DOCK11: variants seen among roughly 807,000 people sequenced by gnomAD.
DOCK11 encodes the protein dedicator of cytokinesis 11, also known as dedicator of cytokinesis protein 11.
A neutral mutation model predicts 169.1 loss-of-function variants in DOCK11; 70 were observed. The ratio of observed to expected loss-of-function variants is 0.41; its 90% confidence interval spans 0.34 to 0.51. DOCK11 has a LOEUF of 0.51. Among genes scored for constraint, DOCK11 ranks in the 20% least tolerant of loss-of-function variants. The pLI, the probability that DOCK11 is intolerant of heterozygous loss-of-function variation, is 0.10. For synonymous variants in DOCK11, 529 were observed against 541.3 expected, an observed-to-expected ratio of 0.98 and a Z score of 0.32; for missense variants, 1,166 against 1,538.8, an observed-to-expected ratio of 0.76 and a Z score of 4.05.
At position 118,545,950 on chromosome X, in the gene DOCK11, G is replaced by A. The variant is rs921679429; in HGVS notation, c.463-71G>A. The A allele has an allele frequency of 2.8e-5, 20 of 708,514 alleles. No individual in the cohort carries two copies. The South Asian group carries it at 4.6e-4, about 16-fold the overall frequency. The allele number at this position is 708,514 out of a possible 1,213,427, so 58.4% of individuals were successfully genotyped here. On this transcript the variant is annotated intron_variant, in intron 5 of 52. Coordinates refer to ENST00000276202, the MANE Select transcript of DOCK11 (RefSeq NM_144658.4). Reference sequence around the variant, plus strand: ...GGAAATGGGCAGGGCCTCATTCTGTGCCCCTAAATGTTTCGCTAATTAGAT... The same window carrying A: ...GGAAATGGGCAGGGCCTCATTCTGTACCCCTAAATGTTTCGCTAATTAGAT...
rs1232027116 is a variant in DOCK11 at position 118,572,378 on chromosome X, A to G, written c.1091A>G (p.Asn364Ser). The change falls in exon 11 of 53, where the codon AAT becomes AGT. Residue 364 changes from asparagine (N) to serine (S), a missense_variant. Transcript: ENST00000276202. ...ATAAAGCCATTTGAAGAAAAATGCA[A>G]TAAACGTTTCCTGGTGAATTGCCAT... is the stretch of plus-strand genomic sequence containing the variant. ...PDIKPFEEKC[N>S]KRFLVNCHDL... 6 of 1,206,596 alleles carry G rather than the reference A, an allele frequency of 5.0e-6. No individual in the cohort carries two copies. The highest frequency in any genetic ancestry group is 6.7e-6 in the Non-Finnish European group (6 of 892,027).
intron 1 of DOCK11, among the ~76,000 whole-genome samples, chrX:118,508,800 C>A (rs1390330532): frequency 8.9e-6 from 1 of 112,092 alleles, no homozygotes; most frequent in Non-Finnish European, 1.9e-5. Flanking sequence ...CCGTCTGTCC[C>A]TGCTAAATGG....
chrX:118,587,737 A>G (rs1225719272), intron 16 of DOCK11, among the ~76,000 whole-genome samples: 1 of 112,132 alleles, frequency 8.9e-6, no homozygotes, highest in Non-Finnish European at 1.9e-5. Context: ...GCCATGAACT[A>G]ATTGGAAGCA....
In DOCK11 at chrX:118,681,229, A is replaced by G. The variant is rs781377685; in HGVS notation, c.5843A>G (p.Gln1948Arg). ...ATGATTCAGCTCCAACTTAAATTGC[A>G]GGGCTGTGTTTCTGTGCAGGTACGT... ...VDMIQLQLKL[Q>R]GCVSVQVNAG... is the part of the protein sequence containing the mutation. The change falls in exon 50 of 53, where the codon CAG (glutamine) becomes CGG (arginine). Residue 1948 changes from glutamine to arginine, a missense_variant. Physicochemically the swap from Gln to Arg is conservative, Grantham distance 43. Transcript: ENST00000276202. 8.4e-7 allele frequency: 1 copy of G among 1,194,546 alleles called. No individual in the cohort carries two copies.
chrX:118,594,984 A>T (rs2014116865), intron 20 of DOCK11, among the ~76,000 whole-genome samples: 1 of 111,613 alleles, frequency 9.0e-6, no homozygotes, highest in Non-Finnish European at 1.9e-5. Flanking sequence ...GGGGGATCAT[A>T]GGATGTCAGG....
In DOCK11 at chrX:118,605,967, T is replaced by C. The variant is rs754912943; in HGVS notation, c.2681+611T>C. ...AAGAAGATAAATATATAAGTTCCAA[T>C]TGAACTTTTTCCAATTATGTAAATG... On this transcript the variant is annotated intron_variant, in intron 24 of 52. Transcript: ENST00000276202. 1.3e-4 allele frequency among the ~76,000 whole-genome samples: 15 copies of C among 112,036 alleles called. 1 individual carries two copies. In the South Asian group the frequency reaches 5.2e-3, roughly 39 times the overall value.
intron 22 of DOCK11, 148 bp downstream of exon 22, chrX:118,598,264 A>AT: frequency 5.2e-6 from 2 of 383,503 alleles, no homozygotes; most frequent in Non-Finnish European, 9.1e-6. Context: ...GCAGTGGCTC[A>AT]TGCCTGTAAT....
At chrX:118,554,442 C>T (rs1415176369) in intron 6 of DOCK11, among the ~76,000 whole-genome samples, 5 of 110,499 alleles carry the variant, frequency 4.5e-5, no homozygotes, top group African/African-American at 9.9e-5. Flanking sequence ...ATCAGCTACT[C>T]GGGAGGCTGA....
At chrX:118,606,054 C>T (rs2147453256) in intron 24 of DOCK11, among the ~76,000 whole-genome samples, 1 of 106,865 alleles carries the variant, frequency 9.4e-6, no homozygotes, top group South Asian at 4.1e-4. Flanking sequence ...GAGACTTCAA[C>T]TGGGGCTGGT....
At position 118,588,133 on chromosome X, in the gene DOCK11, A is replaced by G. The variant is rs2147418841; in HGVS notation, c.1796-4A>G. The G allele has an allele frequency of 1.7e-6, 2 of 1,169,723 alleles. No homozygotes were observed. Among genetic ancestry groups the G allele is most frequent in the Non-Finnish European group, 2.3e-6 (2 of 876,915 alleles). ...ATCTTTGCCTGTTTTTTTCCCTGCT[A>G]TAGATTGTATTACTTCTTCATATGT... On this transcript the variant is annotated splice_region_variant and splice_polypyrimidine_tract_variant and intron_variant, in intron 16 of 52. Transcript: ENST00000276202.
In DOCK11 at chrX:118,496,061, C is replaced by G; in HGVS notation, c.90C>G (p.Gly30=). The part of the protein sequence containing the change: ...LRQSVSEAVR[G]SVVLEKAKVV... ...AGAGCGTGTCTGAGGCCGTGCGGGG[C>G]TCCGTGGTGCTGGTGAGTGGCCGGG... The change falls in exon 1 of 53, where the codon GGC becomes GGG. Residue 30 remains glycine, a synonymous_variant. Transcript: ENST00000276202. 9.5e-7 allele frequency: 1 copy of G among 1,053,966 alleles called. No homozygotes were observed. The highest frequency in any genetic ancestry group is 1.2e-6 in the Non-Finnish European group (1 of 821,279). 86.9% of individuals were successfully genotyped at this position (1,053,966 alleles called of 1,213,427 possible). A position where few individuals can be genotyped will look rare whatever the true frequency, so the allele number is the denominator to read the frequency against.
At chrX:118,524,301 C>T (rs2011324279) in intron 1 of DOCK11, among the ~76,000 whole-genome samples, 1 of 111,795 alleles carries the variant, frequency 8.9e-6, no homozygotes, top group South Asian at 3.7e-4. Flanking sequence ...CGTACCTTCT[C>T]CATCCATATT....
intron 1 of DOCK11, among the ~76,000 whole-genome samples, chrX:118,513,942 C>G (rs2057666322): frequency 1.8e-5 from 2 of 110,985 alleles, no homozygotes; most frequent in Non-Finnish European, 3.8e-5. Flanking sequence ...TTTCTTGCCC[C>G]CTCTTGGAGA....
At chrX:118,508,560 A>G (rs1208785802) in intron 1 of DOCK11, among the ~76,000 whole-genome samples, 1 of 111,531 alleles carries the variant, frequency 9.0e-6, no homozygotes, top group East Asian at 2.8e-4. Context: ...TCCCACCAAG[A>G]AATAACTTAA....
At position 118,639,483 on chromosome X, in the gene DOCK11, G is replaced by A. The variant is rs766248371; in HGVS notation, c.4050G>A (p.Ser1350=). 2 of 1,210,824 alleles carry A rather than the reference G, an allele frequency of 1.7e-6. No homozygotes were observed. The highest frequency in any genetic ancestry group is 2.2e-6 in the Non-Finnish European group (2 of 894,977). ...LSKHFGIDRK[S]QTMPALRNRS... is the part of the protein sequence containing the mutation. ...AACACTTCGGAATAGACCGAAAATC[G>A]CAAACCATGCCTGCTCTTCGAAACA... Residue 1350 remains serine, a synonymous_variant, in exon 38 of 53, where the codon TCG becomes TCA. Transcript: ENST00000276202.
At position 118,546,213 on chromosome X, in the gene DOCK11, A is replaced by C. The variant is rs1012315513; in HGVS notation, c.558+97A>C. The C allele has an allele frequency of 8.6e-4, 197 of 229,799 alleles. 2 individuals carry two copies. The highest frequency in any genetic ancestry group is 2.3e-3 in the East Asian group (28 of 11,961). The allele number at this position is 229,799 out of a possible 1,213,427, so 18.9% of individuals were successfully genotyped here. A position where few individuals can be genotyped will look rare whatever the true frequency, so the allele number is the denominator to read the frequency against. On this transcript the variant is annotated intron_variant, in intron 6 of 52. Coordinates refer to ENST00000276202, the MANE Select transcript of DOCK11 (RefSeq NM_144658.4). ...TTTATTTTACAAAGAGCCCTAGCAA[A>C]AAAAAAAAAAAAAAAAAAGGAGAGG...
At chrX:118,640,155 G>A (rs2015493310) in intron 38 of DOCK11, among the ~76,000 whole-genome samples, 1 of 112,189 alleles carries the variant, frequency 8.9e-6, no homozygotes, top group Admixed American at 9.5e-5. Context: ...TATTGACAAG[G>A]CAAATAGGGC....
chrX:118,505,022 A>T (rs1392879154), intron 1 of DOCK11, among the ~76,000 whole-genome samples: 1 of 111,871 alleles, frequency 8.9e-6, no homozygotes, highest in Non-Finnish European at 1.9e-5. Flanking sequence ...TAAATGAGTT[A>T]TTTGTTTTGT....
At chrX:118,632,661 C>T (rs966936581) in intron 35 of DOCK11, 1 of 110,570 alleles carries the variant, frequency 9.0e-6, no homozygotes, top group Non-Finnish European at 1.9e-5. Flanking sequence ...TTTATTGAGT[C>T]ATAAACAGTA....
Sources: gnomAD v4.1 joint callset for allele counts (sites outside exome capture counted in the v4.1 genomes callset) on GRCh38, gnomAD v4.1.1 for gene constraint, MANE v1.5 for transcripts, NCBI Gene and HGNC (gene_info 2026-07-23, HGNC 2026-07-21) for gene names.